Variants in ZFPM1 observed in about 807,000 individuals in gnomAD.
The protein encoded by ZFPM1 is zinc finger protein ZFPM1.
A neutral mutation model predicts 46.3 loss-of-function variants in ZFPM1; 28 were observed. The observed-to-expected ratio is 0.60, with a 90% CI of 0.45 to 0.83. The LOEUF (loss-of-function observed/expected upper bound fraction) is 0.83. Among genes scored for constraint, ZFPM1 ranks in the 40% least tolerant of loss-of-function variants. ZFPM1 has a pLI of 0.00. For missense variants in ZFPM1, 1,878 were observed against 1,432.4 expected, an observed-to-expected ratio of 1.31 and a Z score of -5.02; for synonymous variants, 957 against 675.9, an observed-to-expected ratio of 1.42 and a Z score of -6.45.
At chr16:88,498,951 C>T (rs1910095012) in intron 3 of ZFPM1, among the ~76,000 whole-genome samples, 1 of 152,190 alleles carries the variant, frequency 6.6e-6, no homozygotes, top group African/African-American at 2.4e-5. Context: ...GGGCTGCACC[C>T]GGGTCCTGCC....
chr16:88,501,639 GT>G (rs67112372), intron 3 of ZFPM1, among the ~76,000 whole-genome samples: 11,362 of 90,216 alleles, frequency 0.13, 2,378 homozygotes, highest in East Asian at 0.28. Flanking sequence ...GCCTGGGTGC[GT>G]GGGCCATCGC....
At chr16:88,472,972 G>A (rs765178286) in intron 1 of ZFPM1, among the ~76,000 whole-genome samples, 7 of 152,380 alleles carry the variant, frequency 4.6e-5, no homozygotes, top group Admixed American at 6.5e-5. Flanking sequence ...CTTCCAGGAC[G>A]CCGCAGCCCT....
intron 1 of ZFPM1, among the ~76,000 whole-genome samples, chr16:88,475,921 C>T (rs1308146877): frequency 2.6e-5 from 4 of 152,080 alleles, no homozygotes; most frequent in African/African-American, 7.2e-5. Flanking sequence ...GGCTGTGGGC[C>T]CAGGGCAGTT....
At chr16:88,493,443 A>AGCTGTCCCGGGGTACGGG (rs1909732625) in intron 3 of ZFPM1, among the ~76,000 whole-genome samples, 1 of 111,974 alleles carries the variant, frequency 8.9e-6, no homozygotes, top group Non-Finnish European at 1.9e-5. Context: ...CGGGGTACGG[A>AGCTGTCCCGGGGTACGGG]GAGCTGTCCC....
chr16:88,532,763 C>T (rs1362595322), intron 8 of ZFPM1, 26 bp from the exon 9 acceptor site: 2 of 1,612,986 alleles, frequency 1.2e-6, no homozygotes, highest in African/African-American at 1.3e-5. Context: ...CGCCCTGGGC[C>T]TTGACCACCT....
At chr16:88,517,277 G>C (rs1374887358) in intron 4 of ZFPM1, among the ~76,000 whole-genome samples, 1 of 148,826 alleles carries the variant, frequency 6.7e-6, no homozygotes, top group East Asian at 2.0e-4. Flanking sequence ...TGTGTGGTTG[G>C]AGGGCTGGGT....
chr16:88,526,978 C>T (rs1482014816), intron 5 of ZFPM1, 62 bp downstream of exon 5: 1 of 1,514,104 alleles, frequency 6.6e-7, no homozygotes, highest in East Asian at 2.5e-5. Flanking sequence ...CTTGGCTCCC[C>T]CTGGGCTGAG....
chr16:88,454,665 C>T (rs1838483246), intron 1 of ZFPM1, among the ~76,000 whole-genome samples: 1 of 152,356 alleles, frequency 6.6e-6, no homozygotes, highest in South Asian at 2.1e-4. Flanking sequence ...CTGGGCTGTG[C>T]CAGGAGGGAG....
intron 4 of ZFPM1, among the ~76,000 whole-genome samples, chr16:88,521,159 A>C (rs948958014): frequency 2.0e-5 from 3 of 151,570 alleles, no homozygotes; most frequent in Non-Finnish European, 4.4e-5. Flanking sequence ...GCCTGAGGCC[A>C]ACCTCAGTGT....
chr16:88,503,054 G>A (rs115614339), intron 3 of ZFPM1, among the ~76,000 whole-genome samples: 1,903 of 152,358 alleles, frequency 0.012, 30 homozygotes, highest in African/African-American at 0.044. Flanking sequence ...GCGCTGCTCC[G>A]CGGGGCAGGG....
intron 3 of ZFPM1, among the ~76,000 whole-genome samples, chr16:88,496,264 G>C (rs1026170512): frequency 6.6e-6 from 1 of 152,150 alleles, no homozygotes; most frequent in East Asian, 1.9e-4. Flanking sequence ...ATGTGACAGC[G>C]GCGGGGCTGG....
intron 3 of ZFPM1, among the ~76,000 whole-genome samples, chr16:88,506,866 A>G (rs536965476): frequency 6.6e-6 from 1 of 152,278 alleles, no homozygotes; most frequent in African/African-American, 2.4e-5. Flanking sequence ...GCTCTGGTGC[A>G]TCCATGGCTC....
chr16:88,533,743 C>T lies in ZFPM1; in HGVS notation c.1785C>T (p.His595=). The T allele has an allele frequency of 6.7e-7, 1 of 1,500,196 alleles. No individual in the cohort carries two copies. Among genetic ancestry groups the T allele is most frequent in the Non-Finnish European group, 8.9e-7 (1 of 1,117,696 alleles). 92.9% of individuals were successfully genotyped at this position (1,500,196 alleles called of 1,614,324 possible). A position where few individuals can be genotyped will look rare whatever the true frequency, so the allele number is the denominator to read the frequency against. Reference sequence around the variant, plus strand: ...GCAACGTCAACAACTACTACGTGCACAAGCGCCTCTACTGTTCAGGCCGCC... The same window carrying T: ...GCAACGTCAACAACTACTACGTGCATAAGCGCCTCTACTGTTCAGGCCGCC... The part of the protein sequence containing the change: ...TFSNVNNYYV[H]KRLYCSGRRA... The change falls in exon 10 of 10, where the codon CAC becomes CAT. Residue 595 remains histidine, a synonymous_variant. Transcript: ENST00000319555.
rs552765885 is a variant in ZFPM1 at position 88,454,599 on chromosome 16, G to A, written c.40+921G>A. Among the ~76,000 whole-genome samples the A allele has an allele frequency of 1.2e-4, 18 of 152,376 alleles. 1 individual carries two copies. The South Asian group carries it at 3.1e-3, about 26-fold the overall frequency. ...GAGGCTGCTGCCCCGCCGCCACATT[G>A]CCAGTGCCCCCGCGATGAGAACTAA... On this transcript the variant is annotated intron_variant, in intron 1 of 9. Transcript: ENST00000319555.
intron 7 of ZFPM1, 141 bp from the exon 8 acceptor site, chr16:88,532,467 CGGAGGA>C (rs147824507): frequency 1.3e-5 from 11 of 870,558 alleles, no homozygotes; most frequent in African/African-American, 6.8e-5. Flanking sequence ...AGACAAAAGG[CGGAGGA>C]GGAGGAGGAG....
rs139205520 is a variant in ZFPM1, at chr16:88,530,201, C to T, written c.713-1801C>T. On this transcript the variant is annotated intron_variant, in intron 6 of 9. Transcript: ENST00000319555. ...CTCCAGGGGAACACCCCGCTGATAA[C>T]GCCAGTAAGACAGTGGGGACAGCAG... Among the ~76,000 whole-genome samples, 581 of 152,304 alleles carry T rather than the reference C, an allele frequency of 3.8e-3. 4 individuals carry two copies. Among genetic ancestry groups the T allele is most frequent in the African/African-American group, 0.012 (516 of 41,570 alleles).
intron 3 of ZFPM1, among the ~76,000 whole-genome samples, chr16:88,491,546 G>A (rs1014315209): frequency 4.6e-5 from 7 of 152,172 alleles, no homozygotes; most frequent in African/African-American, 1.4e-4. Flanking sequence ...TGGTTTGATC[G>A]CCACCCCAAG....
rs113121726 is a variant in ZFPM1 at position 88,501,391 on chromosome 16, C to A, written c.268+12238C>A. On this transcript the variant is annotated intron_variant, in intron 3 of 9. Transcript: ENST00000319555. ...AGATAGCAGACATGGGTGCGGGGCC[C>A]TCCCGCAGGTGCTGGTGATGATGGA... Among the ~76,000 whole-genome samples, 65 of 88,236 alleles carry A rather than the reference C, an allele frequency of 7.4e-4. 1 individual carries two copies. Among genetic ancestry groups the A allele is most frequent in the African/African-American group, 1.4e-3 (28 of 19,918 alleles). 57.9% of individuals were successfully genotyped at this position (88,236 alleles called of 152,430 possible).
In ZFPM1 at chr16:88,536,308, A is replaced by G. The variant is rs930900607; in HGVS notation, c.*1329A>G. ...TGCCTCAGCCTCCCAAGTAGCTGGG[A>G]CTACAGGCTTGACCCACCACACCTG... On this transcript the variant is annotated 3_prime_UTR_variant, in exon 10 of 10. Coordinates refer to ENST00000319555, the MANE Select transcript of ZFPM1 (RefSeq NM_153813.3). 2 of 152,198 alleles carry G rather than the reference A, an allele frequency of 1.3e-5. No individual in the cohort carries two copies. Among genetic ancestry groups the G allele is most frequent in the African/African-American group, 4.8e-5 (2 of 41,434 alleles). 9.4% of individuals were successfully genotyped at this position (152,198 alleles called of 1,614,324 possible).
Sources: allele counts gnomAD v4.1 joint callset (sites outside exome capture counted in the v4.1 genomes callset), GRCh38; gene constraint gnomAD v4.1.1; transcripts MANE v1.5; gene names NCBI Gene and HGNC (gene_info 2026-07-23, HGNC 2026-07-21).